SLC12A7: variants seen among roughly 807,000 people sequenced by gnomAD.
SLC12A7 encodes solute carrier family 12 member 7.
SLC12A7 carries 100 observed loss-of-function variants against 120.6 expected under a neutral mutation model. The observed-to-expected ratio is 0.83, with a 90% CI of 0.71 to 0.98. The LOEUF (loss-of-function observed/expected upper bound fraction) is 0.98. Among genes scored for constraint, SLC12A7 ranks in the 50% least tolerant of loss-of-function variants. The pLI is 0.00. For missense variants in SLC12A7, 1,373 were observed against 1,548.1 expected, an observed-to-expected ratio of 0.89 and a Z score of 1.90; for synonymous variants, 760 against 678.0, an observed-to-expected ratio of 1.12 and a Z score of -1.88.
rs982305609 is a variant in SLC12A7 at position 1,053,400 on chromosome 5, C to T, written c.3109G>A (p.Val1037Ile). The change falls in exon 23 of 24, where the codon GTC (valine) becomes ATC (isoleucine). Residue 1037 changes from valine (V) to isoleucine (I), a missense_variant. Physicochemically the swap from Val to Ile is conservative, Grantham distance 29 (BLOSUM62 3). Transcript: ENST00000264930. Reference sequence around the variant, plus strand: ...GGAGGACCTGGCATGTTGAGCAGGACCAGCTGCGCATCCTGGGACTTGTTG... The same window carrying T: ...GGAGGACCTGGCATGTTGAGCAGGATCAGCTGCGCATCCTGGGACTTGTTG... Reference protein sequence around the residue: ...VLNKSQDAQLVLLNMPGPPKN... With the variant: ...VLNKSQDAQLILLNMPGPPKN... 3.7e-6 allele frequency: 6 copies of T among 1,614,030 alleles called. No homozygotes were observed. The highest frequency in any genetic ancestry group is 5.1e-6 in the Non-Finnish European group (6 of 1,180,018).
the SLC12A7 span, among the ~76,000 whole-genome samples, chr5:1,140,713 G>A: frequency 6.6e-6 from 1 of 152,272 alleles, no homozygotes; most frequent in Non-Finnish European, 1.5e-5. Flanking sequence ...CAAGGGCGGA[G>A]CCCAGGGCCC....
the SLC12A7 span, among the ~76,000 whole-genome samples, chr5:1,151,705 G>T: frequency 6.6e-6 from 1 of 151,982 alleles, no homozygotes; most frequent in African/African-American, 2.4e-5. This position sits in a 1 kb window ranked among gnomAD's most constrained non-coding sequence, Gnocchi z 6.2. Context: ...AGCCCGGGAG[G>T]CGGGGGGCAG....
chr5:1,056,329 C>T (rs1212875824), intron 22 of SLC12A7, among the ~76,000 whole-genome samples: 1 of 152,190 alleles, frequency 6.6e-6, no homozygotes, highest in Non-Finnish European at 1.5e-5. Context: ...AGTTCCTGGG[C>T]CTCACTTAGG....
the SLC12A7 span, among the ~76,000 whole-genome samples, chr5:1,155,705 A>G: frequency 1.3e-5 from 2 of 150,918 alleles, no homozygotes; most frequent in Admixed American, 6.6e-5. Flanking sequence ...AGTAGAGCAG[A>G]ATGGGAAGCG....
intron 17 of SLC12A7, among the ~76,000 whole-genome samples, chr5:1,067,115 C>G (rs1737136778): frequency 6.6e-6 from 1 of 152,230 alleles, no homozygotes; most frequent in African/African-American, 2.4e-5. Context: ...AGGCACCCCT[C>G]GTCCTTACCC....
intron 23 of SLC12A7, among the ~76,000 whole-genome samples, chr5:1,052,987 C>T (rs1735216327): frequency 6.6e-6 from 1 of 152,254 alleles, no homozygotes; most frequent in African/African-American, 2.4e-5. Flanking sequence ...CCTCACCTCC[C>T]ACCGTTGTCG....
intron 22 of SLC12A7, among the ~76,000 whole-genome samples, chr5:1,054,125 G>A (rs1353045333): frequency 6.6e-6 from 1 of 152,260 alleles, no homozygotes; most frequent in Non-Finnish European, 1.5e-5. Context: ...GCCCTCAGTG[G>A]CCACTACTGG....
chr5:1,103,591 C>A (rs1742217216), intron 1 of SLC12A7, among the ~76,000 whole-genome samples: 1 of 152,248 alleles, frequency 6.6e-6, no homozygotes, highest in Non-Finnish European at 1.5e-5. Flanking sequence ...GCACACGCAC[C>A]TGTCCTCACA....
chr5:1,123,141 G>A, the SLC12A7 span, among the ~76,000 whole-genome samples: 1 of 152,212 alleles, frequency 6.6e-6, no homozygotes, highest in East Asian at 1.9e-4. Flanking sequence ...TCCCGGCAGT[G>A]ATTTCTGTCC....
chr5:1,125,100 C>T, the SLC12A7 span, among the ~76,000 whole-genome samples: 1 of 152,320 alleles, frequency 6.6e-6, no homozygotes, highest in South Asian at 2.1e-4. Flanking sequence ...CCGGCCCCTA[C>T]TCCACACCAC....
chr5:1,054,985 A>AG (rs1245827407), intron 22 of SLC12A7, among the ~76,000 whole-genome samples: 1 of 152,162 alleles, frequency 6.6e-6, no homozygotes, highest in Non-Finnish European at 1.5e-5. Flanking sequence ...CCAGGAGCAC[A>AG]GGGGGGTCGG....
intron 5 of SLC12A7, among the ~76,000 whole-genome samples, 172 bp from the exon 6 acceptor site, chr5:1,087,205 C>T (rs1739964391): frequency 6.6e-6 from 1 of 152,182 alleles, no homozygotes; most frequent in South Asian, 2.1e-4. Flanking sequence ...GGTGAACTCT[C>T]CCCTCCCGAG....
Position 1,083,955 on chromosome 5 carries a change from C to A in SLC12A7, c.919G>T (p.Val307Phe), listed in dbSNP as rs907837542. Residue 307 changes from valine (V) to phenylalanine (F), a missense_variant and splice_region_variant, in exon 8 of 24, where the codon GTC (valine) becomes TTC (phenylalanine). Transcript: ENST00000264930. ...KSAFDPPDIP[V>F]CLLGNRTLSR... Reference sequence around the variant, plus strand: ...AGCGTGCGGTTCCCCAGGAGGCAGACCCTGGGCGGGACAGGGAGGCACGGC... The same window carrying A: ...AGCGTGCGGTTCCCCAGGAGGCAGAACCTGGGCGGGACAGGGAGGCACGGC... 5 of 1,600,740 alleles carry A rather than the reference C, an allele frequency of 3.1e-6. No individual in the cohort carries two copies. Among genetic ancestry groups the A allele is most frequent in the Non-Finnish European group, 4.2e-6 (5 of 1,179,542 alleles).
chr5:1,111,746 G>A (rs931532178), intron 1 of SLC12A7, 122 bp downstream of exon 1: 69 of 996,712 alleles, frequency 6.9e-5, no homozygotes, highest in Non-Finnish European at 8.6e-5. Flanking sequence ...AGGCGGTGGG[G>A]GCGCGGGAAG....
At chr5:1,060,534 G>T in intron 20 of SLC12A7, 83 bp from the exon 21 acceptor site, 1 of 1,048,368 alleles carries the variant, frequency 9.5e-7, no homozygotes. Flanking sequence ...CCCAGAGACC[G>T]AGCCGCCCTG....
At chr5:1,111,815 G>T in intron 1 of SLC12A7, 53 bp downstream of exon 1, 1 of 1,192,450 alleles carries the variant, frequency 8.4e-7, no homozygotes, top group East Asian at 3.6e-5. Flanking sequence ...GCCGGGCCCA[G>T]ACCCGCGCTC....
the SLC12A7 span, among the ~76,000 whole-genome samples, chr5:1,141,952 T>C: frequency 6.6e-6 from 1 of 152,198 alleles, no homozygotes; most frequent in South Asian, 2.1e-4. Flanking sequence ...GAGTCTGAAG[T>C]GCTCCCAGCC....
At chr5:1,100,839 G>A (rs529978605) in intron 1 of SLC12A7, among the ~76,000 whole-genome samples, 5 of 152,328 alleles carry the variant, frequency 3.3e-5, no homozygotes, top group South Asian at 4.1e-4. Context: ...AGAGGAGCCC[G>A]AGGCAGCGTG....
chr5:1,092,455 G>C (rs990737195), intron 3 of SLC12A7, among the ~76,000 whole-genome samples: 3 of 152,208 alleles, frequency 2.0e-5, no homozygotes, highest in Non-Finnish European at 4.4e-5. Context: ...CTTCCTTCCT[G>C]CTCACTGGCC....
Sources: allele counts gnomAD v4.1 joint callset (sites outside exome capture counted in the v4.1 genomes callset), GRCh38; gene constraint gnomAD v4.1.1; non-coding constraint Gnocchi (gnomAD v3.1); transcripts MANE v1.5; gene names NCBI Gene and HGNC (gene_info 2026-07-23, HGNC 2026-07-21).